UGT1A6: variants seen among roughly 807,000 people sequenced by gnomAD.
UGT1A6 encodes the protein UDP glucuronosyltransferase family 1 member A6.
UGT1A6 carries 32 observed loss-of-function variants against 44.4 expected under a neutral mutation model. That is an observed-to-expected ratio of 0.72 (90% CI 0.54 to 0.97). The LOEUF (loss-of-function observed/expected upper bound fraction) is 0.97. Ranked by LOEUF, UGT1A6 falls within the 50% of genes least tolerant of loss-of-function variation. The probability of loss-of-function intolerance (pLI) is 0.00; values close to 1 mark genes in which losing one functional copy is unlikely to be tolerated. For missense variants in UGT1A6, 685 were observed against 661.9 expected (o/e 1.03, Z -0.38); for synonymous variants, 238 against 248.5 (o/e 0.96, Z 0.40).
intron 1 of UGT1A6, chr2:233,741,590 C>T (rs4663964): frequency 0.069 from 10,438 of 151,876 alleles, 561 homozygotes; most frequent in East Asian, 0.2. Flanking sequence ...CACCTCGGAG[C>T]ATGTTGATTT....
chr2:233,742,167 C>G (rs1211667030), intron 1 of UGT1A6, among the ~76,000 whole-genome samples: 2 of 151,916 alleles, frequency 1.3e-5, no homozygotes, highest in Non-Finnish European at 2.9e-5. Flanking sequence ...GACACACACA[C>G]AGAAATATAG....
chr2:233,726,218 A>C (rs1180032899), intron 1 of UGT1A6, among the ~76,000 whole-genome samples: 1 of 152,174 alleles, frequency 6.6e-6, no homozygotes, highest in Non-Finnish European at 1.5e-5. Context: ...AAAGTTTAGA[A>C]AACATTTTTT....
chr2:233,750,334 A>C (rs1004492838), intron 1 of UGT1A6, among the ~76,000 whole-genome samples: 1 of 151,972 alleles, frequency 6.6e-6, no homozygotes, highest in Non-Finnish European at 1.5e-5. Context: ...CTTCAGAGAG[A>C]TGATCTGAAA....
chr2:233,746,976 G>A (rs118160610), intron 1 of UGT1A6, among the ~76,000 whole-genome samples: 2 of 151,898 alleles, frequency 1.3e-5, no homozygotes, highest in South Asian at 2.1e-4. Flanking sequence ...TCCCCAGAGC[G>A]AGCGCAGGGT....
chr2:233,741,046 C>A (rs1691547003), intron 1 of UGT1A6, among the ~76,000 whole-genome samples: 1 of 151,736 alleles, frequency 6.6e-6, no homozygotes, highest in African/African-American at 2.4e-5. Context: ...ATGATCTTGC[C>A]TAGGTAACAG....
intron 1 of UGT1A6, among the ~76,000 whole-genome samples, chr2:233,722,554 T>C (rs1040385246): frequency 9.9e-5 from 15 of 152,232 alleles, no homozygotes; most frequent in Non-Finnish European, 2.1e-4. Context: ...TTCTTTTGGT[T>C]GATTTGTAGC....
intron 1 of UGT1A6, chr2:233,742,951 A>G (rs1692147451): frequency 4.7e-6 from 1 of 213,770 alleles, no homozygotes; most frequent in East Asian, 1.2e-4. Flanking sequence ...ACTAGCAAAT[A>G]ATCATTGTCT....
intron 1 of UGT1A6, among the ~76,000 whole-genome samples, chr2:233,750,216 G>A (rs192238866): frequency 1.3e-5 from 2 of 151,994 alleles, no homozygotes; most frequent in Middle Eastern, 3.4e-3. Flanking sequence ...AGTCTCAGAT[G>A]GAGATGAGGA....
At chr2:233,764,686 A>G (rs1297996810) in intron 1 of UGT1A6, among the ~76,000 whole-genome samples, 1 of 152,166 alleles carries the variant, frequency 6.6e-6, no homozygotes, top group African/African-American at 2.4e-5. Context: ...GAACTTGAAG[A>G]GCACTTGGAA....
At chr2:233,755,897 A>G (rs577722637) in intron 1 of UGT1A6, 1 of 152,230 alleles carries the variant, frequency 6.6e-6, no homozygotes, top group South Asian at 2.1e-4. Flanking sequence ...TTTTTTTGAG[A>G]CAAAATGTAG....
chr2:233,696,771 T>C (rs2075358404), intron 1 of UGT1A6, among the ~76,000 whole-genome samples: 1 of 152,200 alleles, frequency 6.6e-6, no homozygotes, highest in South Asian at 2.1e-4. Flanking sequence ...TTATCATATA[T>C]GGATTTTATT....
chr2:233,719,009 A>G (rs762473757), intron 1 of UGT1A6: 43 of 1,614,078 alleles, frequency 2.7e-5, no homozygotes, highest in Admixed American at 2.3e-4. Flanking sequence ...TCCTCACCCC[A>G]GAGGTGAATA....
At chr2:233,731,452 C>A (rs2078164427) in intron 1 of UGT1A6, among the ~76,000 whole-genome samples, 1 of 152,066 alleles carries the variant, frequency 6.6e-6, no homozygotes. Context: ...CACCCCACAA[C>A]AGGCCCTGGC....
intron 1 of UGT1A6, among the ~76,000 whole-genome samples, chr2:233,757,010 A>G (rs1316931838): frequency 1.3e-5 from 2 of 151,932 alleles, no homozygotes; most frequent in African/African-American, 4.8e-5. Flanking sequence ...GGTAGAGTTC[A>G]GTTTGAACAA....
intron 1 of UGT1A6, chr2:233,761,072 A>T (rs1451879441): frequency 1.2e-6 from 2 of 1,614,208 alleles, no homozygotes; most frequent in Non-Finnish European, 1.7e-6. Flanking sequence ...GACTTTGTGA[A>T]GGATTACCCT....
At chr2:233,711,334 A>G (rs760435550) in intron 1 of UGT1A6, among the ~76,000 whole-genome samples, 1 of 152,216 alleles carries the variant, frequency 6.6e-6, no homozygotes, top group African/African-American at 2.4e-5. Flanking sequence ...ACACCACTGC[A>G]TGGAGATAGA....
At chr2:233,772,131 C>T in intron 4 of UGT1A6, 131 bp from the exon 5 acceptor site, 2 of 1,543,198 alleles carry the variant, frequency 1.3e-6, no homozygotes, top group South Asian at 2.4e-5. Context: ...ACAACAACAA[C>T]AATAATAGAA....
intron 1 of UGT1A6, chr2:233,719,738 A>T (rs1455420769): frequency 1.7e-5 from 27 of 1,613,220 alleles, no homozygotes; most frequent in Non-Finnish European, 2.2e-5. Flanking sequence ...AACACTTTTT[A>T]AAAAATGTAT....
chr2:233,746,942 A>C (rs1693513672), intron 1 of UGT1A6, among the ~76,000 whole-genome samples: 1 of 151,778 alleles, frequency 6.6e-6, no homozygotes, highest in South Asian at 2.1e-4. Context: ...ATTGGATGAG[A>C]AACAAGAGCT....
Sources: allele counts gnomAD v4.1 joint callset (sites outside exome capture counted in the v4.1 genomes callset), GRCh38; gene constraint gnomAD v4.1.1; transcripts MANE v1.5; gene names NCBI Gene and HGNC (gene_info 2026-07-23, HGNC 2026-07-21).